Variants in BLTP1 observed in about 807,000 individuals in gnomAD.
BLTP1 encodes fragile site-associated protein.
chr4:122,244,059 C>T, the BLTP1 span: 2 of 1,535,008 alleles, frequency 1.3e-6, no homozygotes, highest in Non-Finnish European at 1.7e-6. Context: ...ACAACTGTTG[C>T]TTTATACAAT....
chr4:122,357,502 G>T, the BLTP1 span, among the ~76,000 whole-genome samples: 2 of 151,248 alleles, frequency 1.3e-5, no homozygotes, highest in African/African-American at 2.4e-5. Flanking sequence ...GGAGTTCAAG[G>T]CTACAGTGAG....
At chr4:122,236,947 A>T in the BLTP1 span, 11 of 985,238 alleles carry the variant, frequency 1.1e-5, no homozygotes, top group Non-Finnish European at 1.3e-5. Flanking sequence ...CAGTGTCAGG[A>T]TAAAATCAAG....
the BLTP1 span, chr4:122,244,166 T>C: frequency 2.2e-6 from 2 of 900,872 alleles, no homozygotes; most frequent in Non-Finnish European, 1.5e-6. Flanking sequence ...TAGAAGATTA[T>C]TGATAGCTAT....
At chr4:122,214,098 A>T in the BLTP1 span, 1 of 473,738 alleles carries the variant, frequency 2.1e-6, no homozygotes. Flanking sequence ...TGGAAACAGT[A>T]CTTGTGGACT....
At chr4:122,191,833 G>A in the BLTP1 span, among the ~76,000 whole-genome samples, 2 of 151,846 alleles carry the variant, frequency 1.3e-5, no homozygotes, top group African/African-American at 2.4e-5. Flanking sequence ...GAATCCACCT[G>A]TTTTCTATTA....
chr4:122,347,113 A>G, the BLTP1 span: 1 of 984,236 alleles, frequency 1.0e-6, no homozygotes, highest in Non-Finnish European at 1.2e-6. Flanking sequence ...ATCCAAGTTA[A>G]TCATGGTTAG....
At chr4:122,349,974 A>G in the BLTP1 span, 3 of 1,613,928 alleles carry the variant, frequency 1.9e-6, no homozygotes, top group Non-Finnish European at 1.7e-6. The surrounding 1 kb of genome is among the most constrained non-coding windows in gnomAD (Gnocchi z 4.5). Context: ...TCACACAACA[A>G]TTTGATACCA....
the BLTP1 span, among the ~76,000 whole-genome samples, chr4:122,321,731 C>T: frequency 6.6e-6 from 1 of 151,818 alleles, no homozygotes; most frequent in Non-Finnish European, 1.5e-5. Flanking sequence ...CTTCTTTTAA[C>T]ATTGCTTGCA....
At chr4:122,272,579 A>G in the BLTP1 span, among the ~76,000 whole-genome samples, 1 of 151,994 alleles carries the variant, frequency 6.6e-6, no homozygotes, top group African/African-American at 2.4e-5. Context: ...ATTGAGTATC[A>G]GTGAATTGAG....
chr4:122,291,650 CT>C, the BLTP1 span: 1 of 777,480 alleles, frequency 1.3e-6, no homozygotes, highest in Non-Finnish European at 1.6e-6. Context: ...TAAGTAAGCA[CT>C]GATCAAGTAA....
At chr4:122,201,925 G>A in the BLTP1 span, 1 of 957,970 alleles carries the variant, frequency 1.0e-6, no homozygotes, top group African/African-American at 1.8e-5. Flanking sequence ...GGTGTTTAAG[G>A]CATATGTAGG....
chr4:122,333,424 G>A, the BLTP1 span: 2 of 148,878 alleles, frequency 1.3e-5, no homozygotes, highest in African/African-American at 5.5e-5. Context: ...CTGCATAAAT[G>A]TCTTCTTTTG....
the BLTP1 span, chr4:122,179,972 C>CA: frequency 1.0e-6 from 1 of 984,548 alleles, no homozygotes; most frequent in Non-Finnish European, 1.2e-6. Flanking sequence ...AGTATCCCTC[C>CA]AAAAGACAGG....
the BLTP1 span, chr4:122,349,604 C>G: frequency 1.9e-6 from 3 of 1,609,860 alleles, no homozygotes; most frequent in Non-Finnish European, 2.5e-6. The surrounding 1 kb of genome is among the most constrained non-coding windows in gnomAD (Gnocchi z 4.5). Flanking sequence ...GGAAAGTAAA[C>G]TTGTATAATA....
At chr4:122,208,092 AGTAG>A in the BLTP1 span, 1 of 984,770 alleles carries the variant, frequency 1.0e-6, no homozygotes, top group African/African-American at 1.7e-5. Flanking sequence ...ATGGATAACC[AGTAG>A]TACTTGTAGT....
At chr4:122,354,062 T>C in the BLTP1 span, 1 of 1,548,008 alleles carries the variant, frequency 6.5e-7, no homozygotes, top group Non-Finnish European at 8.9e-7. Context: ...GTTTTTTCCA[T>C]TTTGGATTCT....
chr4:122,334,710 T>C, the BLTP1 span, among the ~76,000 whole-genome samples: 1 of 152,078 alleles, frequency 6.6e-6, no homozygotes, highest in Non-Finnish European at 1.5e-5. Flanking sequence ...GCCAACCATT[T>C]TCACCTGTTT....
chr4:122,235,292 C>G, the BLTP1 span: 13 of 939,914 alleles, frequency 1.4e-5, no homozygotes, highest in African/African-American at 7.1e-5. Flanking sequence ...TAAATATTTC[C>G]TTACATACTG....
At chr4:122,277,282 A>AGT in the BLTP1 span, among the ~76,000 whole-genome samples, 9 of 152,156 alleles carry the variant, frequency 5.9e-5, no homozygotes, top group African/African-American at 1.9e-4. Flanking sequence ...TCCAGGCTAT[A>AGT]GTGAGCTATG....
Sources: gnomAD v4.1 joint callset for allele counts (sites outside exome capture counted in the v4.1 genomes callset) on GRCh38, gnomAD v4.1.1 for gene constraint, Gnocchi (gnomAD v3.1) non-coding constraint, MANE v1.5 for transcripts, NCBI Gene and HGNC (gene_info 2026-07-23, HGNC 2026-07-21) for gene names.